TAFA5: variants seen among roughly 807,000 people sequenced by gnomAD.
TAFA5 encodes the protein TAFA chemokine like family member 5.
TAFA5 carries 6 observed loss-of-function variants against 15.3 expected under a neutral mutation model. The ratio of observed to expected loss-of-function variants is 0.39; its 90% CI spans 0.21 to 0.77. The LOEUF (loss-of-function observed/expected upper bound fraction) is 0.77. TAFA5 is among the 30% of genes least tolerant of loss of function. The pLI is 0.41. For synonymous variants in TAFA5, 103 were observed against 80.7 expected (o/e 1.28, Z -1.48); for missense variants, 161 against 193.1 (o/e 0.83, Z 0.98).
intron 1 of TAFA5, among the ~76,000 whole-genome samples, chr22:48,573,717 A>G (rs943661439): frequency 2.6e-5 from 4 of 152,182 alleles, no homozygotes; most frequent in Admixed American, 2.6e-4. Context: ...GCCTGCCTCT[A>G]TTTATGAACT....
intron 1 of TAFA5, among the ~76,000 whole-genome samples, chr22:48,567,505 G>A (rs1427346627): frequency 2.6e-5 from 4 of 152,206 alleles, no homozygotes; most frequent in East Asian, 1.9e-4. Flanking sequence ...TCGTGGGTGC[G>A]GGTCTGGAGA....
intron 1 of TAFA5, among the ~76,000 whole-genome samples, chr22:48,614,256 G>A (rs986027464): frequency 2.6e-5 from 4 of 152,200 alleles, no homozygotes; most frequent in Non-Finnish European, 4.4e-5. Flanking sequence ...ATACAAAACC[G>A]TGAAGAGAAT....
At chr22:48,704,558 T>G (rs929300705) in intron 2 of TAFA5, among the ~76,000 whole-genome samples, 1 of 152,038 alleles carries the variant, frequency 6.6e-6, no homozygotes, top group African/African-American at 2.4e-5. Flanking sequence ...GCTGGGACCC[T>G]CTGAGGGCCT....
chr22:48,535,598 T>C (rs1922129096), intron 1 of TAFA5, among the ~76,000 whole-genome samples: 1 of 152,014 alleles, frequency 6.6e-6, no homozygotes, highest in Non-Finnish European at 1.5e-5. Context: ...GCAAGCATGC[T>C]GCACACACAT....
chr22:48,663,002 C>T (rs554159568), intron 2 of TAFA5, among the ~76,000 whole-genome samples: 12 of 152,334 alleles, frequency 7.9e-5, no homozygotes, highest in African/African-American at 2.2e-4. Flanking sequence ...CCCACAGGAG[C>T]AGAGCCTGAC....
chr22:48,550,174 C>T lies in TAFA5; in HGVS notation c.112+60470C>T, dbSNP rs977100581. ...GTGTGTCCACCCGAGGTGGCCCTGC[C>T]CTGTTTCCACACACAGCCTACCTAG... is the stretch of plus-strand genomic sequence containing the variant. On this transcript the variant is annotated intron_variant, in intron 1 of 3. Coordinates refer to ENST00000402357, the MANE Select transcript of TAFA5 (RefSeq NM_001082967.3). This position sits in a 1 kb window ranked among gnomAD's most constrained non-coding sequence, Gnocchi z 4.1. Among the ~76,000 whole-genome samples the T allele has an allele frequency of 1.3e-5, 2 of 152,334 alleles. No individual in the cohort carries two copies. Among genetic ancestry groups the T allele is most frequent in the East Asian group, 3.9e-4 (2 of 5,182 alleles).
At chr22:48,711,183 T>C (rs984277729) in intron 3 of TAFA5, among the ~76,000 whole-genome samples, 5 of 152,124 alleles carry the variant, frequency 3.3e-5, no homozygotes, top group Non-Finnish European at 4.4e-5. Flanking sequence ...GGCTGTCCAC[T>C]TCCAGGCTAG....
chr22:48,605,306 A>ATGATGGTGG lies in TAFA5; in HGVS notation c.113-41282_113-41274dup, dbSNP rs1925136647. The stretch of plus-strand genomic sequence containing the variant: ...GATGTTGTTAATGGTGGTGATGGTG[A>ATGATGGTGG]TGATGGTGGTGATGGTGATGATGGT... On this transcript the variant is annotated intron_variant, in intron 1 of 3. Coordinates refer to ENST00000402357, the MANE Select transcript of TAFA5 (RefSeq NM_001082967.3). Among the ~76,000 whole-genome samples, 3 of 42,008 alleles carry ATGATGGTGG rather than the reference A, an allele frequency of 7.1e-5. 1 individual carries two copies. In the East Asian group the frequency reaches 2.6e-3, roughly 37 times the overall value. 27.6% of individuals were successfully genotyped at this position (42,008 alleles called of 152,430 possible). A position where few individuals can be genotyped will look rare whatever the true frequency, so the allele number is the denominator to read the frequency against.
chr22:48,741,211 C>A (rs991504764), intron 3 of TAFA5, among the ~76,000 whole-genome samples: 3 of 152,272 alleles, frequency 2.0e-5, no homozygotes, highest in Admixed American at 2.0e-4. Context: ...CAGATCCTGC[C>A]CCCCGTTCCC....
chr22:48,701,805 C>A (rs567005784), intron 2 of TAFA5, among the ~76,000 whole-genome samples: 1 of 152,330 alleles, frequency 6.6e-6, no homozygotes, highest in South Asian at 2.1e-4. Context: ...TGGCTGCCTC[C>A]CTCCCCTGAA....
intron 1 of TAFA5, among the ~76,000 whole-genome samples, chr22:48,638,535 A>G (rs1926545977): frequency 7.7e-6 from 1 of 129,506 alleles, no homozygotes. Flanking sequence ...CCCAACACTA[A>G]GCCCTGGGAC....
intron 2 of TAFA5, among the ~76,000 whole-genome samples, chr22:48,650,016 A>G (rs1331259972): frequency 6.6e-6 from 1 of 152,218 alleles, no homozygotes; most frequent in Non-Finnish European, 1.5e-5. Flanking sequence ...CAAATTAGTT[A>G]GCTTAGTTAG....
At chr22:48,628,025 G>C (rs1197253596) in intron 1 of TAFA5, among the ~76,000 whole-genome samples, 4 of 151,420 alleles carry the variant, frequency 2.6e-5, no homozygotes, top group Admixed American at 1.3e-4. Context: ...CGGAGGATGC[G>C]ATCCTGGTCA....
Position 48,661,196 on chromosome 22 carries a change from C to T in TAFA5, c.262+14450C>T, listed in dbSNP as rs1005982418. On this transcript the variant is annotated intron_variant, in intron 2 of 3. Transcript: ENST00000402357. ...GGTCACTGGCGTACTGCTGGCCCTACGGTCAGGGTCTGTGGCCACCTGGCA... is the reference window on the plus strand; with the variant it reads ...GGTCACTGGCGTACTGCTGGCCCTATGGTCAGGGTCTGTGGCCACCTGGCA... Among the ~76,000 whole-genome samples, 3 of 152,198 alleles carry T rather than the reference C, an allele frequency of 2.0e-5. No individual in the cohort carries two copies. The South Asian group carries it at 6.2e-4, about 31-fold the overall frequency.
chr22:48,497,143 C>T (rs1261512799), intron 1 of TAFA5, among the ~76,000 whole-genome samples: 2 of 152,226 alleles, frequency 1.3e-5, no homozygotes, highest in Non-Finnish European at 2.9e-5. Flanking sequence ...AGTGGCCCAT[C>T]CATGGAAATC....
chr22:48,709,780 G>A (rs920416505), intron 3 of TAFA5, among the ~76,000 whole-genome samples: 1 of 152,248 alleles, frequency 6.6e-6, no homozygotes, highest in African/African-American at 2.4e-5. Context: ...CCCTGTGAGA[G>A]CTGGCGGTGG....
At chr22:48,604,221 ACCGAGTGTTTACATCTCAGGC>A (rs570645575) in intron 1 of TAFA5, among the ~76,000 whole-genome samples, 72 of 152,258 alleles carry the variant, frequency 4.7e-4, no homozygotes, top group African/African-American at 1.6e-3. Context: ...GCAACCTTGG[ACCGAGTGTTTACATCTCAGGC>A]ACTGCGTTCC....
intron 3 of TAFA5, among the ~76,000 whole-genome samples, chr22:48,723,120 G>A (rs1008776749): frequency 5.3e-5 from 8 of 152,210 alleles, no homozygotes; most frequent in Non-Finnish European, 8.8e-5. Flanking sequence ...TGTGTGTGCC[G>A]TCTTCTTGGC....
chr22:48,621,776 G>A (rs147378104), intron 1 of TAFA5, among the ~76,000 whole-genome samples: 2,555 of 152,206 alleles, frequency 0.017, 31 homozygotes, highest in Non-Finnish European at 0.025. Flanking sequence ...CTGGCCTCTC[G>A]AGGTGGGGAG....
Sources: gnomAD v4.1 joint callset for allele counts (sites outside exome capture counted in the v4.1 genomes callset) on GRCh38, gnomAD v4.1.1 for gene constraint, Gnocchi (gnomAD v3.1) non-coding constraint, MANE v1.5 for transcripts, NCBI Gene and HGNC (gene_info 2026-07-23, HGNC 2026-07-21) for gene names.